Variants in PID1 observed in about 807,000 individuals in gnomAD.
PID1 encodes the protein PTB-containing, cubilin and LRP1-interacting protein.
Under a neutral mutation model 19.1 loss-of-function variants are expected in PID1, and 10 were observed. The observed-to-expected ratio is 0.52, with a 90% confidence interval of 0.32 to 0.89. The LOEUF is 0.89. Among genes scored for constraint, PID1 ranks in the 40% least tolerant of loss-of-function variants. PID1 has a pLI of 0.03. For synonymous variants in PID1, 130 were observed against 116.0 expected, an observed-to-expected ratio of 1.12 and a Z score of -0.78; for missense variants, 248 against 285.3, an observed-to-expected ratio of 0.87 and a Z score of 0.94.
chr2:229,210,251 G>A lies in PID1; in HGVS notation c.31-54287C>T, dbSNP rs1391889352. 2.0e-5 allele frequency among the ~76,000 whole-genome samples: 3 copies of A among 151,826 alleles called. No homozygotes were observed. In the South Asian group the frequency reaches 6.2e-4, roughly 31 times the overall value. ...GGCAAGGCCGGGCATGGCGGCTCGC[G>A]CCTGTAATCCCAGCACTTTGGGAGG... On this transcript the variant is annotated intron_variant, in intron 1 of 2. Transcript: ENST00000392055.
intron 2 of PID1, among the ~76,000 whole-genome samples, chr2:229,034,197 T>C (rs114471850): frequency 0.011 from 1,656 of 152,076 alleles, 44 homozygotes; most frequent in African/African-American, 0.037. Flanking sequence ...ATTTTGGAGG[T>C]CTAGAAGAAT....
chr2:229,156,418 T>C (rs147436906), intron 1 of PID1, among the ~76,000 whole-genome samples: 178 of 152,342 alleles, frequency 1.2e-3, no homozygotes, highest in Non-Finnish European at 1.2e-3. Flanking sequence ...AGCTCTTTCA[T>C]GCACTGGCTG....
intron 1 of PID1, among the ~76,000 whole-genome samples, chr2:229,196,705 G>T (rs1400423861): frequency 6.6e-6 from 1 of 151,924 alleles, no homozygotes; most frequent in African/African-American, 2.4e-5. Context: ...TAAAACCCCA[G>T]CTCCATCATT....
chr2:229,160,401 C>CA (rs2106199960), intron 1 of PID1, among the ~76,000 whole-genome samples: 1 of 151,916 alleles, frequency 6.6e-6, no homozygotes, highest in East Asian at 1.9e-4. Flanking sequence ...AGGAAGATAA[C>CA]AGAGTTCAAA....
chr2:229,165,585 T>TA (rs201146650), intron 1 of PID1, among the ~76,000 whole-genome samples: 19,297 of 141,748 alleles, frequency 0.14, 1,407 homozygotes, highest in East Asian at 0.36. Flanking sequence ...GTCTCAAAAA[T>TA]AAAAAAAAAA....
intron 2 of PID1, among the ~76,000 whole-genome samples, chr2:229,051,378 C>T (rs1352921768): frequency 6.6e-6 from 1 of 152,126 alleles, no homozygotes; most frequent in Non-Finnish European, 1.5e-5. Context: ...TACTCTGTTG[C>T]CCCGGCTGTA....
Position 229,025,924 on chromosome 2 carries a change from G to A in PID1, c.362C>T (p.Ala121Val). The A allele has an allele frequency of 1.2e-6, 2 of 1,614,140 alleles. No homozygotes were observed. The highest frequency in any genetic ancestry group is 1.7e-6 in the Non-Finnish European group (2 of 1,179,988). ...WLHHLDHKGE[A>V]TVHMDTFQVA... ...CTGGAAGGTATCCATGTGCACTGTG[G>A]CCTCCCCTTTGTGGTCGAGATGATG... The change falls in exon 3 of 3, where the codon GCC (alanine) becomes GTC (valine). Residue 121 changes from alanine to valine, a missense_variant. By Grantham distance (64) the Ala-to-Val change is moderately conservative. Transcript: ENST00000392055.
At chr2:229,141,216 G>A (rs1690004797) in intron 2 of PID1, among the ~76,000 whole-genome samples, 1 of 151,772 alleles carries the variant, frequency 6.6e-6, no homozygotes, top group African/African-American at 2.4e-5. Context: ...CAAGACTAAG[G>A]TCCATTTCTC....
At chr2:229,237,432 C>T (rs1387698220) in intron 1 of PID1, among the ~76,000 whole-genome samples, 1 of 152,154 alleles carries the variant, frequency 6.6e-6, no homozygotes, top group African/African-American at 2.4e-5. Context: ...ACCAAACTGA[C>T]CTAACAAGCA....
intron 1 of PID1, among the ~76,000 whole-genome samples, chr2:229,264,979 T>G (rs144534795): frequency 4.6e-5 from 7 of 152,336 alleles, no homozygotes; most frequent in African/African-American, 1.4e-4. Context: ...TTCTGTTTAT[T>G]GAGCACCTAC....
rs1691304245 is a variant in PID1, at chr2:229,193,382, A to G, written c.31-37418T>C. On this transcript the variant is annotated intron_variant, in intron 1 of 2. Transcript: ENST00000392055. ...TTCCGAAAGGTCTGGGAAGAAGCTG[A>G]TGCTGCTCTAAGGCTTGTTCTGAGC... Among the ~76,000 whole-genome samples, 5 of 152,286 alleles carry G rather than the reference A, an allele frequency of 3.3e-5. No individual in the cohort carries two copies. The South Asian group carries it at 1.0e-3, about 32-fold the overall frequency.
intron 2 of PID1, among the ~76,000 whole-genome samples, chr2:229,106,718 C>T (rs2106143693): frequency 6.6e-6 from 1 of 152,258 alleles, no homozygotes; most frequent in South Asian, 2.1e-4. Context: ...AATAAATTTC[C>T]ATAAGAAATG....
intron 1 of PID1, among the ~76,000 whole-genome samples, chr2:229,195,045 T>C (rs1031009681): frequency 2.0e-5 from 3 of 151,946 alleles, no homozygotes; most frequent in Non-Finnish European, 2.9e-5. Flanking sequence ...TTACAGTTAC[T>C]TGAAATAATT....
At chr2:229,199,268 T>G (rs922744311) in intron 1 of PID1, among the ~76,000 whole-genome samples, 1 of 152,114 alleles carries the variant, frequency 6.6e-6, no homozygotes, top group Non-Finnish European at 1.5e-5. Context: ...TTTCTTTTTA[T>G]CTTCTACCCA....
At chr2:229,145,168 T>C (rs927336103) in intron 2 of PID1, among the ~76,000 whole-genome samples, 158 of 146,124 alleles carry the variant, frequency 1.1e-3, no homozygotes, top group Middle Eastern at 3.6e-3. Flanking sequence ...TATATATATA[T>C]ATATATATAT....
chr2:229,224,755 A>G (rs911738744), intron 1 of PID1, among the ~76,000 whole-genome samples: 5 of 152,018 alleles, frequency 3.3e-5, no homozygotes, highest in African/African-American at 1.2e-4. Flanking sequence ...GTTTTGGCTT[A>G]ATTTAATTAA....
intron 2 of PID1, among the ~76,000 whole-genome samples, chr2:229,078,473 C>T (rs1056454657): frequency 3.3e-5 from 5 of 152,148 alleles, no homozygotes; most frequent in Admixed American, 2.0e-4. Context: ...TCACCTTGTG[C>T]GGGTTTTTAA....
chr2:229,213,300 C>T (rs544260794), intron 1 of PID1, among the ~76,000 whole-genome samples: 4 of 152,224 alleles, frequency 2.6e-5, no homozygotes, highest in Non-Finnish European at 1.5e-5. Flanking sequence ...CCCTCCACAT[C>T]CAATGCACCA....
chr2:229,148,107 A>G (rs1157243485), intron 2 of PID1, among the ~76,000 whole-genome samples: 3 of 152,236 alleles, frequency 2.0e-5, no homozygotes, highest in Non-Finnish European at 4.4e-5. Context: ...AAACACCTGT[A>G]TCAGCTGGGA....
Sources: gnomAD v4.1 joint callset for allele counts (sites outside exome capture counted in the v4.1 genomes callset) on GRCh38, gnomAD v4.1.1 for gene constraint, MANE v1.5 for transcripts, NCBI Gene and HGNC (gene_info 2026-07-23, HGNC 2026-07-21) for gene names.